GPC5: variants seen among roughly 807,000 people sequenced by gnomAD.
The protein encoded by GPC5 is glypican 5, also known as glypican-5.
GPC5 carries 47 observed loss-of-function variants against 53.9 expected under a neutral mutation model. The observed-to-expected ratio is 0.87, with a 90% confidence interval of 0.69 to 1.11. GPC5 has a LOEUF of 1.11. GPC5 is among the 50% of genes most tolerant of loss of function. GPC5 has a pLI of 0.00. For synonymous variants in GPC5, 286 were observed against 263.3 expected, an observed-to-expected ratio of 1.09 and a Z score of -0.84; for missense variants, 748 against 713.1, an observed-to-expected ratio of 1.05 and a Z score of -0.56.
chr13:91,436,850 G>T (rs1382045761), intron 1 of GPC5, among the ~76,000 whole-genome samples: 1 of 152,130 alleles, frequency 6.6e-6, no homozygotes, highest in Non-Finnish European at 1.5e-5. Flanking sequence ...CTAAGTACTT[G>T]CTGTATGAAT....
intron 2 of GPC5, among the ~76,000 whole-genome samples, chr13:91,460,093 A>C (rs1881836664): frequency 6.6e-6 from 1 of 152,112 alleles, no homozygotes; most frequent in South Asian, 2.1e-4. Flanking sequence ...CTTATGTAAA[A>C]ATTGAAAATA....
At chr13:91,462,445 G>A (rs748650458) in intron 2 of GPC5, among the ~76,000 whole-genome samples, 6 of 152,042 alleles carry the variant, frequency 3.9e-5, no homozygotes, top group Non-Finnish European at 5.9e-5. Flanking sequence ...GATAGAATAC[G>A]GCATAAAATT....
chr13:92,723,318 C>A (rs1054914719), intron 7 of GPC5, among the ~76,000 whole-genome samples: 1 of 151,900 alleles, frequency 6.6e-6, no homozygotes, highest in African/African-American at 2.4e-5. Context: ...CTTAACCCTC[C>A]GAATAACACT....
At chr13:92,767,828 ATT>A (rs1372790522) in intron 7 of GPC5, among the ~76,000 whole-genome samples, 1 of 152,184 alleles carries the variant, frequency 6.6e-6, no homozygotes, top group East Asian at 1.9e-4. Context: ...AAGAGAGAAC[ATT>A]TCCCACATTC....
At chr13:91,624,817 T>C (rs1408515964) in intron 2 of GPC5, among the ~76,000 whole-genome samples, 2 of 151,854 alleles carry the variant, frequency 1.3e-5, no homozygotes, top group Non-Finnish European at 2.9e-5. Flanking sequence ...TAGAAACAGG[T>C]ATTATAAATT....
intron 6 of GPC5, among the ~76,000 whole-genome samples, chr13:92,006,972 TTCAA>T (rs139352901): frequency 0.018 from 2,607 of 141,370 alleles, 69 homozygotes; most frequent in African/African-American, 0.06. Context: ...ATTACATATC[TTCAA>T]TCATATTGCT....
chr13:91,833,105 A>G (rs2038682205), intron 5 of GPC5, among the ~76,000 whole-genome samples: 1 of 152,218 alleles, frequency 6.6e-6, no homozygotes, highest in South Asian at 2.1e-4. Context: ...ATCAGCGAAT[A>G]CTATAAACAC....
At chr13:91,406,506 A>G (rs1361219150) in intron 1 of GPC5, among the ~76,000 whole-genome samples, 1 of 152,170 alleles carries the variant, frequency 6.6e-6, no homozygotes, top group Non-Finnish European at 1.5e-5. Context: ...AAATAAATAT[A>G]TTTTTAGCCA....
At chr13:92,397,447 G>A (rs1875336175) in intron 7 of GPC5, among the ~76,000 whole-genome samples, 2 of 152,214 alleles carry the variant, frequency 1.3e-5, no homozygotes, top group South Asian at 4.1e-4. Flanking sequence ...ACATTGAACT[G>A]TGAGTCCATT....
chr13:92,503,012 A>C (rs1880245730), intron 7 of GPC5, among the ~76,000 whole-genome samples: 1 of 152,000 alleles, frequency 6.6e-6, no homozygotes, highest in South Asian at 2.1e-4. Context: ...ATAATCAACT[A>C]AATAACAAAG....
intron 3 of GPC5, among the ~76,000 whole-genome samples, chr13:91,704,640 C>A (rs576968215): frequency 6.6e-6 from 1 of 152,302 alleles, no homozygotes; most frequent in East Asian, 1.9e-4. Flanking sequence ...ACTTGAAAAC[C>A]AAGGACAACC....
intron 7 of GPC5, among the ~76,000 whole-genome samples, chr13:92,234,788 G>T (rs947074415): frequency 6.6e-6 from 1 of 152,136 alleles, no homozygotes; most frequent in African/African-American, 2.4e-5. Flanking sequence ...GCCTGGTGCA[G>T]GTGGAAGAGG....
intron 2 of GPC5, among the ~76,000 whole-genome samples, chr13:91,455,791 A>G (rs1881500355): frequency 6.6e-6 from 1 of 151,966 alleles, no homozygotes; most frequent in African/African-American, 2.4e-5. Flanking sequence ...TTCCTGTCAT[A>G]TTAGCTGTAT....
At chr13:91,651,214 A>G (rs1229197952) in intron 2 of GPC5, among the ~76,000 whole-genome samples, 1 of 148,436 alleles carries the variant, frequency 6.7e-6, no homozygotes, top group Non-Finnish European at 1.5e-5. Context: ...AGAGCAATTC[A>G]TCTCAAATTA....
At chr13:92,372,700 CT>C (rs145924660) in intron 7 of GPC5, among the ~76,000 whole-genome samples, 1 of 152,010 alleles carries the variant, frequency 6.6e-6, no homozygotes, top group African/African-American at 2.4e-5. Context: ...TGTAGAGTAT[CT>C]TTTTTTGTGT....
chr13:91,721,137 C>CTTTCTTTCTTTCTTTG (rs1181362469), intron 3 of GPC5, among the ~76,000 whole-genome samples: 79 of 92,130 alleles, frequency 8.6e-4, no homozygotes, highest in African/African-American at 3.2e-3. Flanking sequence ...TTCTTTCTTT[C>CTTTCTTTCTTTCTTTG]TTTTTTTGGG....
At chr13:92,837,121 T>G (rs1385230763) in intron 7 of GPC5, among the ~76,000 whole-genome samples, 1 of 152,072 alleles carries the variant, frequency 6.6e-6, no homozygotes, top group African/African-American at 2.4e-5. Flanking sequence ...TTACTTACAG[T>G]TGTAAAATAA....
chr13:91,784,994 C>T (rs1403389754), intron 5 of GPC5, among the ~76,000 whole-genome samples: 1 of 152,152 alleles, frequency 6.6e-6, no homozygotes, highest in Non-Finnish European at 1.5e-5. Flanking sequence ...TTTGATCTAG[C>T]AGCAGCATTT....
chr13:91,523,990 A>G (rs1272536556), intron 2 of GPC5, among the ~76,000 whole-genome samples: 2 of 151,994 alleles, frequency 1.3e-5, no homozygotes, highest in African/African-American at 2.4e-5. Flanking sequence ...AGAAAACTAC[A>G]TTTATTATCC....
Sources: allele counts gnomAD v4.1 joint callset (sites outside exome capture counted in the v4.1 genomes callset), GRCh38; gene constraint gnomAD v4.1.1; transcripts MANE v1.5; gene names NCBI Gene and HGNC (gene_info 2026-07-23, HGNC 2026-07-21).